The following NEGR1 variants were observed in gnomAD, a reference collection of about 807,000 sequenced individuals.
NEGR1 encodes IgLON family member 4.
NEGR1 carries 10 observed loss-of-function variants against 40.9 expected under a neutral mutation model. The ratio of observed to expected loss-of-function variants is 0.24; its 90% CI spans 0.15 to 0.42. NEGR1 has a LOEUF of 0.42. Among genes scored for constraint, NEGR1 ranks in the 10% least tolerant of loss-of-function variants. The probability of loss-of-function intolerance (pLI) is 1.00; values close to 1 mark genes in which losing one functional copy is unlikely to be tolerated. For synonymous variants in NEGR1, 185 were observed against 166.8 expected, an observed-to-expected ratio of 1.11 and a Z score of -0.84; for missense variants, 352 against 438.9, an observed-to-expected ratio of 0.80 and a Z score of 1.77.
chr1:71,433,367 C>G (rs1646481743), intron 6 of NEGR1, among the ~76,000 whole-genome samples: 1 of 152,220 alleles, frequency 6.6e-6, no homozygotes, highest in Non-Finnish European at 1.5e-5. Context: ...AATCTTCAAA[C>G]TGGACACCAG....
intron 3 of NEGR1, among the ~76,000 whole-genome samples, chr1:71,721,558 T>A (rs1258939462): frequency 6.6e-6 from 1 of 152,008 alleles, no homozygotes; most frequent in African/African-American, 2.4e-5. Flanking sequence ...ATAGAGCAAG[T>A]TTTCTAAAAG....
At chr1:72,242,754 T>C (rs899543258) in intron 1 of NEGR1, among the ~76,000 whole-genome samples, 2 of 151,680 alleles carry the variant, frequency 1.3e-5, no homozygotes, top group African/African-American at 2.4e-5. Flanking sequence ...TAATTTTCAT[T>C]TGTCTGATGA....
intron 4 of NEGR1, among the ~76,000 whole-genome samples, chr1:71,675,325 T>C (rs1007097637): frequency 6.6e-6 from 1 of 150,762 alleles, no homozygotes; most frequent in Non-Finnish European, 1.5e-5. Flanking sequence ...AAAACATCCA[T>C]GGCATTCTGA....
In NEGR1 at chr1:71,697,988, T is replaced by G. The variant is rs1653541872; in HGVS notation, c.667+20A>C. ...TATCTTTTCTCAGAACTTATCTTGA[T>G]AAAAGGTGATGACACTTACAGTTGA... is the stretch of plus-strand genomic sequence containing the variant. On this transcript the variant is annotated intron_variant, in intron 4 of 6. Coordinates refer to ENST00000357731, the MANE Select transcript of NEGR1 (RefSeq NM_173808.3). 1.9e-6 allele frequency: 3 copies of G among 1,603,164 alleles called. No individual in the cohort carries two copies. The East Asian group carries it at 6.7e-5, about 36-fold the overall frequency.
intron 6 of NEGR1, among the ~76,000 whole-genome samples, chr1:71,437,106 GA>G (rs145188928): frequency 0.13 from 19,507 of 151,596 alleles, 1,562 homozygotes; most frequent in Non-Finnish European, 0.18. Flanking sequence ...ACCTGGCTCA[GA>G]AAAAAAGAAT....
At chr1:71,942,712 C>G (rs1176374697) in intron 1 of NEGR1, among the ~76,000 whole-genome samples, 1 of 141,956 alleles carries the variant, frequency 7.0e-6, no homozygotes, top group Non-Finnish European at 1.5e-5. Flanking sequence ...CCGTTTTAGC[C>G]GGGATGGTCT....
At chr1:71,749,473 A>G (rs559227603) in intron 3 of NEGR1, among the ~76,000 whole-genome samples, 1 of 152,316 alleles carries the variant, frequency 6.6e-6, no homozygotes, top group African/African-American at 2.4e-5. Context: ...CAGCACTTAT[A>G]TCATATTTGC....
chr1:71,948,696 G>A (rs1222756783), intron 1 of NEGR1, among the ~76,000 whole-genome samples: 3 of 152,016 alleles, frequency 2.0e-5, no homozygotes, highest in Admixed American at 6.6e-5. Context: ...TGCCTCTCTT[G>A]CTAGAGGATC....
chr1:72,049,249 G>A (rs1243128954), intron 1 of NEGR1, among the ~76,000 whole-genome samples: 2 of 151,646 alleles, frequency 1.3e-5, no homozygotes, highest in East Asian at 3.9e-4. Context: ...GCTGAGGCAG[G>A]AGTATTCATT....
intron 3 of NEGR1, among the ~76,000 whole-genome samples, chr1:71,709,500 T>A (rs1654011005): frequency 6.6e-6 from 1 of 152,028 alleles, no homozygotes; most frequent in South Asian, 2.1e-4. Flanking sequence ...CAAAACAGGA[T>A]GGCACGAGTA....
chr1:71,571,568 T>C (rs950035343), intron 6 of NEGR1, among the ~76,000 whole-genome samples: 2 of 152,100 alleles, frequency 1.3e-5, no homozygotes, highest in Non-Finnish European at 2.9e-5. Context: ...GGTGGGTGGA[T>C]TGCTTTAGCT....
At chr1:71,813,641 T>C (rs1191647457) in intron 2 of NEGR1, among the ~76,000 whole-genome samples, 5 of 152,134 alleles carry the variant, frequency 3.3e-5, no homozygotes, top group Admixed American at 6.6e-5. Flanking sequence ...CTTGCAGAGG[T>C]CCTTCACTTC....
intron 1 of NEGR1, among the ~76,000 whole-genome samples, chr1:71,948,833 C>A (rs1646044124): frequency 6.6e-6 from 1 of 152,050 alleles, no homozygotes; most frequent in Non-Finnish European, 1.5e-5. Flanking sequence ...AAATTTCAAC[C>A]ATGACTTTCT....
chr1:72,093,262 C>T, intron 1 of NEGR1, among the ~76,000 whole-genome samples: 1 of 143,182 alleles, frequency 7.0e-6, no homozygotes, highest in Admixed American at 7.2e-5. Context: ...ACCCAGGAGG[C>T]AGAGGTAGCA....
chr1:72,017,864 A>G (rs899814717), intron 1 of NEGR1, among the ~76,000 whole-genome samples: 3 of 152,162 alleles, frequency 2.0e-5, no homozygotes, highest in Non-Finnish European at 4.4e-5. Context: ...TTAAGTGGCT[A>G]TTCTTGAAGA....
At chr1:72,068,246 G>A (rs1032703932) in intron 1 of NEGR1, among the ~76,000 whole-genome samples, 2 of 152,038 alleles carry the variant, frequency 1.3e-5, no homozygotes, top group African/African-American at 2.4e-5. Context: ...TCAGGAAAAC[G>A]AACTAAGAAG....
chr1:72,206,547 A>G (rs1653404341), intron 1 of NEGR1, among the ~76,000 whole-genome samples: 1 of 151,196 alleles, frequency 6.6e-6, no homozygotes, highest in African/African-American at 2.4e-5. Context: ...GCTAACCTTG[A>G]CATTGTACTT....
At chr1:71,486,940 C>T (rs1052020161) in intron 6 of NEGR1, 2 of 151,580 alleles carry the variant, frequency 1.3e-5, no homozygotes, top group Middle Eastern at 3.4e-3. Context: ...CCTGGAGACA[C>T]TGATCAAGCA....
At chr1:72,217,780 A>T (rs1653872205) in intron 1 of NEGR1, among the ~76,000 whole-genome samples, 1 of 151,846 alleles carries the variant, frequency 6.6e-6, no homozygotes, top group Non-Finnish European at 1.5e-5. Flanking sequence ...TAAAGTAGTT[A>T]TAAAACTTTT....
Sources: allele counts gnomAD v4.1 joint callset (sites outside exome capture counted in the v4.1 genomes callset), GRCh38; gene constraint gnomAD v4.1.1; transcripts MANE v1.5; gene names NCBI Gene and HGNC (gene_info 2026-07-23, HGNC 2026-07-21).